RLIM: variants seen among roughly 807,000 people sequenced by gnomAD.
RLIM encodes the protein ring finger protein, LIM domain interacting, also known as E3 ubiquitin-protein ligase RLIM.
Under a neutral mutation model 34.0 loss-of-function variants are expected in RLIM, and 2 were observed. That is an observed-to-expected ratio of 0.06 (90% CI 0.02 to 0.19). The LOEUF (loss-of-function observed/expected upper bound fraction) is 0.19, where lower values mean the gene tolerates loss of function less well. RLIM is among the 10% of genes least tolerant of loss of function. RLIM has a pLI of 1.00. For missense variants in RLIM, 286 were observed against 479.7 expected (o/e 0.60, Z 3.77); for synonymous variants, 169 against 164.0 (o/e 1.03, Z -0.23).
chrX:74,608,427 T>TA (rs763197483), intron 1 of RLIM, among the ~76,000 whole-genome samples: 831 of 77,868 alleles, frequency 0.011, 7 homozygotes, highest in Admixed American at 0.024. Context: ...AAAGCATTCC[T>TA]AAAAAAAAAA....
At chrX:74,603,895 G>A (rs1425890154) in intron 1 of RLIM, among the ~76,000 whole-genome samples, 1 of 110,887 alleles carries the variant, frequency 9.0e-6, no homozygotes, top group African/African-American at 3.3e-5. Flanking sequence ...GGATCACAAG[G>A]TCAGGAGTTC....
intron 1 of RLIM, among the ~76,000 whole-genome samples, chrX:74,613,138 T>C (rs2079718670): frequency 1.8e-5 from 2 of 111,016 alleles, no homozygotes; most frequent in African/African-American, 6.6e-5. Flanking sequence ...GGGGTTATAA[T>C]TGTGCCAGTC....
Position 74,589,243 on chromosome X carries a change from CT to C in RLIM, c.*2196del, listed in dbSNP as rs1401944965. The C allele has an allele frequency of 1.8e-5, 2 of 111,186 alleles. No homozygotes were observed. The highest frequency in any genetic ancestry group is 3.8e-5 in the Non-Finnish European group (2 of 53,045). The allele number at this position is 111,186 out of a possible 1,213,427, so 9.2% of individuals were successfully genotyped here. On this transcript the variant is annotated 3_prime_UTR_variant, in exon 4 of 4. Coordinates refer to ENST00000332687, the MANE Select transcript of RLIM (RefSeq NM_016120.4). Reference sequence around the variant, plus strand: ...TTTAAACTATTTAAAATGAACACCCCTATAATAATGAAACACTTTATGCCAA... The same window carrying C: ...TTTAAACTATTTAAAATGAACACCCCATAATAATGAAACACTTTATGCCAA...
chrX:74,598,719 C>T (rs1282054371), intron 1 of RLIM, among the ~76,000 whole-genome samples: 5 of 104,142 alleles, frequency 4.8e-5, no homozygotes, highest in Admixed American at 1.1e-4. Context: ...GCGGAGCTTG[C>T]AGTGAGCAGA....
intron 1 of RLIM, among the ~76,000 whole-genome samples, chrX:74,598,489 T>TA (rs751812038): frequency 7.0e-4 from 76 of 108,966 alleles, no homozygotes; most frequent in African/African-American, 1.8e-3. Flanking sequence ...AATTAAAAGA[T>TA]AAAAAATTGC....
rs974854715 is a variant in RLIM, at chrX:74,586,017, C to G, written c.*5423G>C. ...TTCAGAAAGCTTTCCAAGATTGCTG[C>G]CCTGTTCTTTGTATGAATCCAAGTA... On this transcript the variant is annotated 3_prime_UTR_variant, in exon 4 of 4. Coordinates refer to ENST00000332687, the MANE Select transcript of RLIM (RefSeq NM_016120.4). 8.9e-6 allele frequency: 1 copy of G among 111,896 alleles called. No homozygotes were observed. Among genetic ancestry groups the G allele is most frequent in the Admixed American group, 9.5e-5 (1 of 10,512 alleles). The allele number at this position is 111,896 out of a possible 1,213,427, so 9.2% of individuals were successfully genotyped here.
At chrX:74,608,485 CATG>C (rs1255169274) in intron 1 of RLIM, among the ~76,000 whole-genome samples, 2 of 108,776 alleles carry the variant, frequency 1.8e-5, no homozygotes, top group Non-Finnish European at 3.8e-5. Flanking sequence ...TTCCTTATTG[CATG>C]ATACCTCTCA....
rs1353294257 is a variant in RLIM, at chrX:74,584,421, TAATTA to T, written c.*7014_*7018del. ...AGCAACCAGAAAAGTTTAGCTAATT[TAATTA>T]TAGTTAGTAATCCATGCAAGGCCTT... On this transcript the variant is annotated 3_prime_UTR_variant, in exon 4 of 4. Transcript: ENST00000332687. Among the ~76,000 whole-genome samples, 10 of 112,431 alleles carry T rather than the reference TAATTA, an allele frequency of 8.9e-5. No individual in the cohort carries two copies. The highest frequency in any genetic ancestry group is 2.6e-4 in the African/African-American group (8 of 30,924).
chrX:74,600,490 G>C, intron 1 of RLIM, among the ~76,000 whole-genome samples: 1 of 111,386 alleles, frequency 9.0e-6, no homozygotes, highest in Middle Eastern at 4.6e-3. Context: ...TTAATAAAGC[G>C]GTTAGTAGTT....
chrX:74,599,554 G>A (rs2079652752), intron 1 of RLIM, among the ~76,000 whole-genome samples: 1 of 111,173 alleles, frequency 9.0e-6, no homozygotes, highest in Admixed American at 9.6e-5. Flanking sequence ...TAAGGGTGGG[G>A]CCCTCATGAA....
Position 74,599,298 on chromosome X carries a change from T to C in RLIM, c.-23-3298A>G, listed in dbSNP as rs149488815. ...TTGGCAGACATTCCACACATACTCA[T>C]CAATGAACTGCACACTAATAAAAAA... On this transcript the variant is annotated intron_variant, in intron 1 of 3. Transcript: ENST00000332687. 5.3e-3 allele frequency among the ~76,000 whole-genome samples: 596 copies of C among 111,932 alleles called. 19 individuals are homozygous for C. In the East Asian group the frequency reaches 0.13, roughly 24 times the overall value.
chrX:74,586,360 CATG>C lies in RLIM; in HGVS notation c.*5077_*5079del, dbSNP rs1403857527. The C allele has an allele frequency of 7.1e-5, 8 of 112,007 alleles. No homozygotes were observed. Among genetic ancestry groups the C allele is most frequent in the African/African-American group, 2.6e-4 (8 of 30,792 alleles). 9.2% of individuals were successfully genotyped at this position (112,007 alleles called of 1,213,427 possible). A position where few individuals can be genotyped will look rare whatever the true frequency, so the allele number is the denominator to read the frequency against. On this transcript the variant is annotated 3_prime_UTR_variant, in exon 4 of 4. Coordinates refer to ENST00000332687, the MANE Select transcript of RLIM (RefSeq NM_016120.4). ...TACAGAGGAACCTTGAAAGAGGCAC[CATG>C]ATATGACAGGGTTCACTTTCACTGC... is the stretch of plus-strand genomic sequence containing the variant.
At chrX:74,614,155 G>A (rs2079725906) in intron 1 of RLIM, among the ~76,000 whole-genome samples, 1 of 90,491 alleles carries the variant, frequency 1.1e-5, no homozygotes, top group Non-Finnish European at 2.3e-5. Context: ...GGAGGGCCTG[G>A]GCTGCAGCTC....
chrX:74,594,897 TAA>T (rs1169273208), intron 2 of RLIM, among the ~76,000 whole-genome samples: 14 of 59,709 alleles, frequency 2.3e-4, no homozygotes, highest in Non-Finnish European at 1.8e-4. Flanking sequence ...AGACTCTGCT[TAA>T]AAAAAAAAAA....
rs896547691 is a variant in RLIM at position 74,588,014 on chromosome X, T to A, written c.*3426A>T. 8.9e-6 allele frequency: 1 copy of A among 112,675 alleles called. No individual in the cohort carries two copies. The highest frequency in any genetic ancestry group is 1.9e-5 in the Non-Finnish European group (1 of 53,352). 9.3% of individuals were successfully genotyped at this position (112,675 alleles called of 1,213,427 possible). ...ATTCCAACACTAATGTGAACACTTT[T>A]CTCAATCCCCACCTCCATTAACACC... On this transcript the variant is annotated 3_prime_UTR_variant, in exon 4 of 4. Coordinates refer to ENST00000332687, the MANE Select transcript of RLIM (RefSeq NM_016120.4).
chrX:74,595,690 C>G, intron 2 of RLIM, 119 bp downstream of exon 2: 3 of 465,118 alleles, frequency 6.4e-6, no homozygotes, highest in Non-Finnish European at 1.1e-5. Context: ...CATTCCATAT[C>G]CCCTATGTTA....
At chrX:74,597,249 G>A (rs2079643578) in intron 1 of RLIM, among the ~76,000 whole-genome samples, 1 of 111,985 alleles carries the variant, frequency 8.9e-6, no homozygotes, top group Non-Finnish European at 1.9e-5. Flanking sequence ...TGTGTCCAGA[G>A]AAAATAAACA....
intron 1 of RLIM, among the ~76,000 whole-genome samples, chrX:74,608,268 ACAC>A (rs1315747362): frequency 3.6e-5 from 4 of 111,626 alleles, no homozygotes; most frequent in African/African-American, 9.8e-5. Flanking sequence ...GATATAACCT[ACAC>A]CACATTACGA....
chrX:74,605,961 CA>C (rs1293179811), intron 1 of RLIM, among the ~76,000 whole-genome samples: 1 of 111,861 alleles, frequency 8.9e-6, no homozygotes, highest in Non-Finnish European at 1.9e-5. Flanking sequence ...CAAATCCAGT[CA>C]ACTTTTCACT....
Sources: allele counts gnomAD v4.1 joint callset (sites outside exome capture counted in the v4.1 genomes callset), GRCh38; gene constraint gnomAD v4.1.1; transcripts MANE v1.5; gene names NCBI Gene and HGNC (gene_info 2026-07-23, HGNC 2026-07-21).